Variants in CFHR4 observed in about 807,000 individuals in gnomAD.
The protein encoded by CFHR4 is complement factor H related 4.
In CFHR4, 64 loss-of-function variants were observed where a neutral mutation model predicts 69.3. That is an observed-to-expected ratio of 0.92 (90% CI 0.76 to 1.14). CFHR4 has a LOEUF of 1.14. Among genes scored for constraint, CFHR4 ranks in the 50% most tolerant of loss-of-function variants. The pLI is 0.00. For missense variants in CFHR4, 636 were observed against 684.9 expected (o/e 0.93, Z 0.80); for synonymous variants, 244 against 237.0 (o/e 1.03, Z -0.27).
rs1379085284 is a variant in CFHR4, at chr1:196,907,226, A to G, written c.617-90A>G. The stretch of plus-strand genomic sequence containing the variant: ...AAATGTCTTCCTAAGAAATCAAATA[A>G]GATACATTTAAGAGTATATAAAAAG... On this transcript the variant is annotated intron_variant, in intron 4 of 9. Transcript: ENST00000608469. The G allele has an allele frequency of 3.2e-6, 4 of 1,254,938 alleles. No homozygotes were observed. In the African/African-American group the frequency reaches 6.1e-5, roughly 19 times the overall value. The allele number at this position is 1,254,938 out of a possible 1,614,324, so 77.7% of individuals were successfully genotyped here. A position where few individuals can be genotyped will look rare whatever the true frequency, so the allele number is the denominator to read the frequency against.
In CFHR4 at chr1:196,904,499, T is replaced by C. The variant is rs553567832; in HGVS notation, c.257-609T>C. ...TATACATATACCCATTAGTAATGTA[T>C]AGAACACATACATTGATAATATATA... On this transcript the variant is annotated intron_variant, in intron 2 of 9. Coordinates refer to ENST00000608469, the MANE Select transcript of CFHR4 (RefSeq NM_001201550.3). 3.5e-3 allele frequency among the ~76,000 whole-genome samples: 536 copies of C among 151,654 alleles called. 9 individuals are homozygous for C. The highest frequency in any genetic ancestry group is 6.3e-3 in the Non-Finnish European group (426 of 67,932).
chr1:196,907,500 T>C lies in CFHR4; in HGVS notation c.799+2T>C. 2.5e-6 allele frequency: 4 copies of C among 1,603,796 alleles called. No homozygotes were observed. The highest frequency in any genetic ancestry group is 3.4e-6 in the Non-Finnish European group (4 of 1,173,358). On this transcript the variant is annotated splice_donor_variant, in intron 5 of 9. Transcript: ENST00000608469. LOFTEE classifies it high-confidence loss of function. ...GGTCAGAACCACCAAGATGCATATG[T>C]AAGTTCTTAATATTCTGGATCTGAG...
chr1:196,915,954 C>T (rs1490915404), intron 9 of CFHR4, among the ~76,000 whole-genome samples: 1 of 151,592 alleles, frequency 6.6e-6, no homozygotes, highest in East Asian at 1.9e-4. Context: ...AGCTGGTTAA[C>T]ACTGAGAAGT....
At chr1:196,908,319 C>T (rs1460727869) in intron 5 of CFHR4, among the ~76,000 whole-genome samples, 2 of 151,444 alleles carry the variant, frequency 1.3e-5, no homozygotes, top group Non-Finnish European at 2.9e-5. Context: ...AAACCATGCA[C>T]TATTAACTAA....
At chr1:196,893,977 T>C (rs1438429810) in intron 1 of CFHR4, among the ~76,000 whole-genome samples, 1 of 151,554 alleles carries the variant, frequency 6.6e-6, no homozygotes, top group African/African-American at 2.4e-5. Context: ...GCTGGGAAGA[T>C]AACACAAAAA....
intron 5 of CFHR4, 147 bp from the exon 6 acceptor site, chr1:196,910,134 A>G (rs1409644897): frequency 1.9e-6 from 1 of 538,370 alleles, no homozygotes; most frequent in African/African-American, 2.0e-5. Context: ...CCTGGGAGAC[A>G]GAGCGAAATT....
At chr1:196,901,921 C>A (rs1018311957) in intron 1 of CFHR4, among the ~76,000 whole-genome samples, 4 of 151,380 alleles carry the variant, frequency 2.6e-5, no homozygotes, top group African/African-American at 9.8e-5. Context: ...TGGTTTGAGA[C>A]ATGAATTAGC....
rs565589583 is a variant in CFHR4 at position 196,891,030 on chromosome 1, C to T, written c.58+2822C>T. 2.7e-4 allele frequency among the ~76,000 whole-genome samples: 41 copies of T among 151,528 alleles called. 2 individuals carry two copies. Among genetic ancestry groups the T allele is most frequent in the East Asian group, 2.3e-3 (12 of 5,146 alleles). ...AATTTGGAGGCCAAGTCGGGGAGAT[C>T]ACTTGAGGCCAGGAGTTTGGGACCA... On this transcript the variant is annotated intron_variant, in intron 1 of 9. Transcript: ENST00000608469.
chr1:196,898,646 A>G (rs539775505), intron 1 of CFHR4, among the ~76,000 whole-genome samples: 1 of 151,740 alleles, frequency 6.6e-6, no homozygotes, highest in African/African-American at 2.4e-5. Flanking sequence ...ATATTTTGCT[A>G]AAAACATATT....
In CFHR4 at chr1:196,893,345, C is replaced by T. The variant is rs116343832; in HGVS notation, c.58+5137C>T. On this transcript the variant is annotated intron_variant, in intron 1 of 9. Transcript: ENST00000608469. ...AGCAGGTAACAGTATTATCCAACAT[C>T]GAATCAGAGGTCGAGTGACTTTCTA... Among the ~76,000 whole-genome samples, 898 of 151,570 alleles carry T rather than the reference C, an allele frequency of 5.9e-3. 48 individuals are homozygous for T. Among genetic ancestry groups the T allele is most frequent in the African/African-American group, 0.021 (862 of 41,160 alleles).
intron 2 of CFHR4, 125 bp downstream of exon 2, chr1:196,902,740 A>T: frequency 1.5e-6 from 1 of 676,026 alleles, no homozygotes; most frequent in Non-Finnish European, 2.4e-6. Context: ...TCAAGCAAAA[A>T]GACCAAAATG....
At chr1:196,912,109 A>G (rs1396610182) in intron 6 of CFHR4, among the ~76,000 whole-genome samples, 1 of 151,412 alleles carries the variant, frequency 6.6e-6, no homozygotes, top group Non-Finnish European at 1.5e-5. Context: ...AGTAATGTAT[A>G]GAACACATAC....
chr1:196,897,502 C>A (rs1657365237), intron 1 of CFHR4, among the ~76,000 whole-genome samples: 1 of 151,404 alleles, frequency 6.6e-6, no homozygotes, highest in East Asian at 1.9e-4. Flanking sequence ...GGATCACATG[C>A]GGGCTCAAAG....
In CFHR4 at chr1:196,901,543, AT is replaced by A. The variant is rs554317108; in HGVS notation, c.59-874del. Among the ~76,000 whole-genome samples the A allele has an allele frequency of 6.8e-3, 1,029 of 151,498 alleles. 40 individuals carry two copies. The highest frequency in any genetic ancestry group is 0.024 in the African/African-American group (986 of 41,132). ...GTTGGAATTTTTTATAATGTGTAGTATAAGGTTTCTTGAACAATGATCATAT... is the reference window on the plus strand; with the variant it reads ...GTTGGAATTTTTTATAATGTGTAGTAAAGGTTTCTTGAACAATGATCATAT... On this transcript the variant is annotated intron_variant, in intron 1 of 9. Coordinates refer to ENST00000608469, the MANE Select transcript of CFHR4 (RefSeq NM_001201550.3).
intron 6 of CFHR4, among the ~76,000 whole-genome samples, 173 bp downstream of exon 6, chr1:196,910,651 CAT>C (rs1360451581): frequency 6.6e-6 from 1 of 151,336 alleles, no homozygotes; most frequent in East Asian, 1.9e-4. Flanking sequence ...ATGAAAATCA[CAT>C]GAGAAATAAA....
At chr1:196,897,237 A>G (rs1388212137) in intron 1 of CFHR4, among the ~76,000 whole-genome samples, 1 of 151,600 alleles carries the variant, frequency 6.6e-6, no homozygotes, top group Non-Finnish European at 1.5e-5. Flanking sequence ...TCAAACCCCT[A>G]GGGGCAGCTT....
intron 3 of CFHR4, among the ~76,000 whole-genome samples, chr1:196,906,108 G>C (rs1657896392): frequency 6.6e-6 from 1 of 151,238 alleles, no homozygotes; most frequent in South Asian, 2.1e-4. Context: ...TCATTTTCAA[G>C]GGTACAATTC....
rs767502664 is a variant in CFHR4, at chr1:196,906,899, A to T, written c.478A>T (p.Lys160Ter). ...DMPVFENSRA[K>*]SNGMWFKLHD... The stretch of plus-strand genomic sequence containing the variant: ...GCCTGTTTTTGAGAATTCCAGAGCC[A>T]AGAGTAATGGCATGTGGTTTAAGCT... The change falls in exon 4 of 10, where the codon AAG becomes TAG. Residue 160 changes from lysine (K) to a stop codon, truncating the protein, a stop_gained. Coordinates refer to ENST00000608469, the MANE Select transcript of CFHR4 (RefSeq NM_001201550.3). LOFTEE classifies it high-confidence loss of function. 1 of 1,606,562 alleles carries T rather than the reference A, an allele frequency of 6.2e-7. No individual in the cohort carries two copies. Among genetic ancestry groups the T allele is most frequent in the Non-Finnish European group, 8.5e-7 (1 of 1,178,148 alleles).
intron 9 of CFHR4, among the ~76,000 whole-genome samples, chr1:196,916,195 C>T (rs1219330657): frequency 6.6e-6 from 1 of 151,350 alleles, no homozygotes; most frequent in African/African-American, 2.4e-5. Context: ...TGAAGCAACA[C>T]AATTCAAAAA....
Sources: allele counts gnomAD v4.1 joint callset (sites outside exome capture counted in the v4.1 genomes callset), GRCh38; gene constraint gnomAD v4.1.1; transcripts MANE v1.5; gene names NCBI Gene and HGNC (gene_info 2026-07-23, HGNC 2026-07-21).